The following NRG1 variants were observed in gnomAD, a reference collection of about 807,000 sequenced individuals.
The protein encoded by NRG1 is pro-neuregulin-1, membrane-bound isoform.
In NRG1, 18 loss-of-function variants were observed where a neutral mutation model predicts 63.8. That is an observed-to-expected ratio of 0.28 (90% CI 0.19 to 0.42). NRG1 has a LOEUF of 0.42. Among genes scored for constraint, NRG1 ranks in the 10% least tolerant of loss-of-function variants. NRG1 has a pLI of 1.00. For missense variants in NRG1, 762 were observed against 814.7 expected, an observed-to-expected ratio of 0.94 and a Z score of 0.79; for synonymous variants, 302 against 301.3, an observed-to-expected ratio of 1.00 and a Z score of -0.02.
intron 1 of NRG1, among the ~76,000 whole-genome samples, chr8:31,807,581 C>T (rs1822410494): frequency 6.6e-6 from 1 of 152,132 alleles, no homozygotes; most frequent in African/African-American, 2.4e-5. Context: ...TACTTTATTT[C>T]ATTGTAGTAA....
intron 1 of NRG1, among the ~76,000 whole-genome samples, chr8:31,727,831 C>T (rs540729091): frequency 4.6e-5 from 7 of 152,160 alleles, no homozygotes; most frequent in African/African-American, 1.2e-4. Context: ...ATAACAAATA[C>T]AATAGTAAAA....
chr8:32,339,801 T>C (rs1434951803), intron 1 of NRG1, among the ~76,000 whole-genome samples: 16 of 152,314 alleles, frequency 1.1e-4, no homozygotes, highest in African/African-American at 3.6e-4. Flanking sequence ...TCTGTATTCC[T>C]CAGCTGGTTG....
chr8:32,718,716 A>G (rs1024967177), intron 5 of NRG1, among the ~76,000 whole-genome samples: 6 of 151,906 alleles, frequency 3.9e-5, no homozygotes, highest in African/African-American at 7.3e-5. Context: ...CTCCGCATTT[A>G]TTTGTTTTTT....
intron 1 of NRG1, among the ~76,000 whole-genome samples, chr8:32,170,712 A>G (rs893653886): frequency 3.9e-5 from 6 of 152,214 alleles, no homozygotes; most frequent in Non-Finnish European, 5.9e-5. Context: ...ATGGCCAAAC[A>G]AAGAAGGTTT....
chr8:32,566,805 C>T (rs1837531879), intron 1 of NRG1, among the ~76,000 whole-genome samples: 1 of 152,050 alleles, frequency 6.6e-6, no homozygotes. Flanking sequence ...ATTTGTTGAT[C>T]TGAAGAGTAC....
chr8:32,634,299 A>G (rs1228988439), intron 5 of NRG1, among the ~76,000 whole-genome samples: 1 of 152,092 alleles, frequency 6.6e-6, no homozygotes, highest in Admixed American at 6.6e-5. Flanking sequence ...GGTGCTTTCA[A>G]ATACTGATTA....
upstream of NRG1, among the ~76,000 whole-genome samples, chr8:32,543,747 T>C (rs1053208620): frequency 1.3e-5 from 2 of 152,242 alleles, no homozygotes; most frequent in Non-Finnish European, 2.9e-5. Context: ...TGTTTGAACA[T>C]TGCCTTTTAG....
intron 1 of NRG1, among the ~76,000 whole-genome samples, chr8:32,568,220 T>C (rs915615010): frequency 6.6e-6 from 1 of 152,212 alleles, no homozygotes; most frequent in Non-Finnish European, 1.5e-5. Flanking sequence ...ATGTCTAAAA[T>C]ACACCATAAA....
At chr8:32,697,129 C>G (rs1813571765) in intron 5 of NRG1, among the ~76,000 whole-genome samples, 1 of 152,156 alleles carries the variant, frequency 6.6e-6, no homozygotes, top group Non-Finnish European at 1.5e-5. Flanking sequence ...ACTTAAGAAA[C>G]AAGTTCTTCA....
chr8:32,682,552 C>T (rs914397649), intron 5 of NRG1, among the ~76,000 whole-genome samples: 1 of 152,116 alleles, frequency 6.6e-6, no homozygotes, highest in Admixed American at 6.5e-5. Context: ...TGGCTGGTTT[C>T]TAGAAGATAA....
rs556854837 is a variant in NRG1 at position 32,606,128 on chromosome 8, C to T, written c.400+445C>T. On this transcript the variant is annotated intron_variant, in intron 3 of 11. Transcript: ENST00000356819. ...TGCGTTATATATGTATATATGTTTA[C>T]GTATATATAACATATGTATTATATA... is the stretch of plus-strand genomic sequence containing the variant. Among the ~76,000 whole-genome samples the T allele has an allele frequency of 5.2e-4, 77 of 146,968 alleles. 1 individual carries two copies. Among genetic ancestry groups the T allele is most frequent in the African/African-American group, 1.8e-3 (72 of 40,248 alleles).
intron 1 of NRG1, among the ~76,000 whole-genome samples, chr8:32,167,076 T>G (rs7833041): frequency 0.036 from 5,418 of 152,288 alleles, 160 homozygotes; most frequent in African/African-American, 0.072. Flanking sequence ...GCTAATGAGT[T>G]TGAACTTGGC....
chr8:32,673,482 A>G (rs954474389), intron 5 of NRG1, among the ~76,000 whole-genome samples: 2 of 152,158 alleles, frequency 1.3e-5, no homozygotes, highest in Non-Finnish European at 2.9e-5. Flanking sequence ...GTTGTTTTAC[A>G]AATCACTGTC....
intron 1 of NRG1, among the ~76,000 whole-genome samples, chr8:31,648,278 C>A (rs990481368): frequency 6.6e-6 from 1 of 151,624 alleles, no homozygotes; most frequent in Non-Finnish European, 1.5e-5. Flanking sequence ...GGACTACAGG[C>A]GCGCGCCACC....
intron 1 of NRG1, among the ~76,000 whole-genome samples, chr8:31,828,619 A>C (rs1026489229): frequency 6.6e-6 from 1 of 152,212 alleles, no homozygotes; most frequent in African/African-American, 2.4e-5. Context: ...ACAGCAGGTC[A>C]GGGAGCCCTG....
intron 1 of NRG1, among the ~76,000 whole-genome samples, chr8:32,526,804 T>A (rs966691168): frequency 6.6e-6 from 1 of 152,230 alleles, no homozygotes; most frequent in African/African-American, 2.4e-5. Flanking sequence ...CCTCACCTCC[T>A]TGTCTTTTCC....
chr8:31,835,101 C>T (rs1473479886), intron 1 of NRG1, among the ~76,000 whole-genome samples: 1 of 152,130 alleles, frequency 6.6e-6, no homozygotes, highest in Admixed American at 6.5e-5. Context: ...GCATTTTTTA[C>T]AATACTTAGT....
intron 5 of NRG1, among the ~76,000 whole-genome samples, chr8:32,618,139 T>A (rs1847710089): frequency 6.6e-6 from 1 of 152,152 alleles, no homozygotes; most frequent in Admixed American, 6.6e-5. Context: ...TAATTCTACT[T>A]ATAAAAAGAT....
intron 1 of NRG1, among the ~76,000 whole-genome samples, chr8:31,711,777 G>C (rs1188463346): frequency 1.3e-5 from 2 of 152,184 alleles, no homozygotes; most frequent in African/African-American, 2.4e-5. Flanking sequence ...GGTACTGGCA[G>C]ATCTGTGTCT....
Sources: allele counts gnomAD v4.1 joint callset (sites outside exome capture counted in the v4.1 genomes callset), GRCh38; gene constraint gnomAD v4.1.1; transcripts MANE v1.5; gene names NCBI Gene and HGNC (gene_info 2026-07-23, HGNC 2026-07-21).